IFIH1: variants seen among roughly 807,000 people sequenced by gnomAD.
IFIH1 encodes interferon induced with helicase C domain 1.
A neutral mutation model predicts 107.4 loss-of-function variants in IFIH1; 125 were observed. The ratio of observed to expected loss-of-function variants is 1.16; its 90% CI spans 1.01 to 1.35. IFIH1 has a LOEUF of 1.35. IFIH1 is among the 40% of genes most tolerant of loss of function. IFIH1 has a pLI of 0.00. For missense variants in IFIH1, 1,333 were observed against 1,213.7 expected (o/e 1.10, Z -1.46); for synonymous variants, 458 against 413.2 (o/e 1.11, Z -1.31).
intron 13 of IFIH1, among the ~76,000 whole-genome samples, chr2:162,271,839 T>A (rs1369229176): frequency 6.6e-6 from 1 of 152,158 alleles, no homozygotes; most frequent in African/African-American, 2.4e-5. Context: ...GCTGTTCCTA[T>A]AAGGTTACCT....
At chr2:162,274,465 G>C (rs1691112277) in intron 11 of IFIH1, among the ~76,000 whole-genome samples, 2 of 152,240 alleles carry the variant, frequency 1.3e-5, no homozygotes, top group African/African-American at 4.8e-5. Flanking sequence ...AAGGACACAA[G>C]AGAAACTGAA....
chr2:162,291,986 T>C (rs1279278091), intron 4 of IFIH1, among the ~76,000 whole-genome samples: 2 of 151,990 alleles, frequency 1.3e-5, no homozygotes, highest in Middle Eastern at 3.4e-3. Flanking sequence ...TTTTCAAAAG[T>C]AGATTGCGTT....
chr2:162,301,085 T>G (rs2105221208), intron 3 of IFIH1, among the ~76,000 whole-genome samples: 1 of 152,286 alleles, frequency 6.6e-6, no homozygotes, highest in Non-Finnish European at 1.5e-5. Context: ...ATGCAAAATA[T>G]ATCCACAATA....
chr2:162,275,637 A>G (rs985256952), intron 11 of IFIH1, among the ~76,000 whole-genome samples: 7 of 152,192 alleles, frequency 4.6e-5, no homozygotes, highest in Non-Finnish European at 1.0e-4. Context: ...ACTGAAACAG[A>G]ATTAATTTGC....
At chr2:162,288,398 AT>A (rs1457604295) in intron 4 of IFIH1, 43 bp from the exon 5 acceptor site, 7 of 1,464,278 alleles carry the variant, frequency 4.8e-6, no homozygotes, top group Non-Finnish European at 6.7e-6. Context: ...GGACAACAAA[AT>A]AACAGAGCTT....
chr2:162,306,210 C>T (rs1030467877), intron 3 of IFIH1, among the ~76,000 whole-genome samples: 1 of 152,184 alleles, frequency 6.6e-6, no homozygotes, highest in African/African-American at 2.4e-5. Flanking sequence ...CTTCAGTCCT[C>T]ACCGATTAGT....
intron 4 of IFIH1, among the ~76,000 whole-genome samples, chr2:162,290,538 A>G (rs1203265873): frequency 6.6e-6 from 1 of 151,906 alleles, no homozygotes; most frequent in Non-Finnish European, 1.5e-5. Flanking sequence ...GTAGGCATGT[A>G]CCACAAATTT....
chr2:162,289,548 G>A (rs147135819), intron 4 of IFIH1, among the ~76,000 whole-genome samples: 56 of 151,900 alleles, frequency 3.7e-4, no homozygotes, highest in African/African-American at 1.3e-3. Flanking sequence ...TCTTATCAAT[G>A]TTTGCAATAA....
chr2:162,293,589 A>C lies in IFIH1; in HGVS notation c.849T>G (p.Asp283Glu). The change falls in exon 4 of 16, where the codon GAT becomes GAG. Residue 283 changes from aspartate (D) to glutamate (E), a missense_variant. Asp to Glu is a conservative substitution (Grantham distance 45). Transcript: ENST00000649979. The part of the protein sequence containing the change: ...SLGHNSNMGS[D>E]SGTMGSDSDE... ...CTGAATCACTTCCCATGGTGCCTGA[A>C]TCACTGCCCATGTTGCTGTTATGTC... The C allele has an allele frequency of 6.2e-7, 1 of 1,611,010 alleles. No homozygotes were observed. The highest frequency in any genetic ancestry group is 2.2e-5 in the East Asian group (1 of 44,820).
intron 10 of IFIH1, among the ~76,000 whole-genome samples, chr2:162,277,182 T>A (rs942302857): frequency 1.3e-5 from 2 of 152,182 alleles, no homozygotes; most frequent in East Asian, 3.9e-4. Flanking sequence ...ATTAGGATGG[T>A]TTAATAAATA....
At chr2:162,276,611 AAGAAGAAG>A in intron 11 of IFIH1, 68 bp downstream of exon 11, 9 of 1,491,886 alleles carry the variant, frequency 6.0e-6, no homozygotes, top group South Asian at 1.3e-5. Context: ...TCTGAAAGAA[AAGAAGAAG>A]AGAAGAAGAG....
intron 2 of IFIH1, among the ~76,000 whole-genome samples, chr2:162,307,908 G>C (rs953497086): frequency 1.6e-4 from 25 of 152,120 alleles, no homozygotes; most frequent in Non-Finnish European, 7.4e-5. Context: ...TAGATGGTAA[G>C]TAATATTATT....
intron 2 of IFIH1, chr2:162,310,508 A>G: frequency 2.0e-6 from 1 of 501,930 alleles, no homozygotes; most frequent in Non-Finnish European, 3.5e-6. Context: ...AATTTCTGGT[A>G]GTCATATTGT....
intron 3 of IFIH1, among the ~76,000 whole-genome samples, chr2:162,304,019 AT>A (rs2105224195): frequency 6.6e-6 from 1 of 152,312 alleles, no homozygotes; most frequent in East Asian, 1.9e-4. Context: ...CAGATAGTGA[AT>A]TTTGGCATTC....
In IFIH1 at chr2:162,317,997, G is replaced by A; in HGVS notation, c.311C>T (p.Ser104Phe). The A allele has an allele frequency of 1.2e-6, 2 of 1,614,210 alleles. No homozygotes were observed. Among genetic ancestry groups the A allele is most frequent in the East Asian group, 2.2e-5 (1 of 44,862 alleles). Residue 104 changes from serine to phenylalanine, a missense_variant, in exon 1 of 16, where the codon TCT becomes TTT. Transcript: ENST00000649979. ...ATCATGAGCGTTCTCAAACGATGGA[G>A]AGGGCAAGTCCGTGAGCTCAGGGTT... ...YMNPELTDLPSPSFENAHDEY... is the reference protein window; with the variant it reads ...YMNPELTDLPFPSFENAHDEY...
Position 162,318,167 on chromosome 2 carries a change from C to T in IFIH1, c.141G>A (p.Gln47=). ...FLPAEVKEQI[Q]RTVATSGNMQ... ...TGTTCCCGGAGGTGGCGACTGTCCT[C>T]TGAATCTGCTCCTTCACCTCTGCAG... The change falls in exon 1 of 16, where the codon CAG becomes CAA. Residue 47 remains glutamine (Q), a synonymous_variant. Coordinates refer to ENST00000649979, the MANE Select transcript of IFIH1 (RefSeq NM_022168.4). The T allele has an allele frequency of 6.2e-7, 1 of 1,614,224 alleles. No homozygotes were observed. The highest frequency in any genetic ancestry group is 8.5e-7 in the Non-Finnish European group (1 of 1,180,034).
At chr2:162,287,091 A>C (rs916871276) in intron 5 of IFIH1, among the ~76,000 whole-genome samples, 1 of 151,952 alleles carries the variant, frequency 6.6e-6, no homozygotes, top group African/African-American at 2.4e-5. Flanking sequence ...CAGCAAAATA[A>C]ATAAAAGTGT....
At position 162,317,960 on chromosome 2, in the gene IFIH1, T is replaced by C. The variant is rs1278078053; in HGVS notation, c.348A>G (p.Gln116=). Residue 116 remains glutamine, a synonymous_variant, in exon 1 of 16, where the codon CAA becomes CAG. Transcript: ENST00000649979. ...GAGTGGGCTGAAGGAGGTTCAGCAG[T>C]TGGAGATATTCATCATGAGCGTTCT... ...SFENAHDEYL[Q]LLNLLQPTLV... is the part of the protein sequence containing the mutation. 6.2e-7 allele frequency: 1 copy of C among 1,614,126 alleles called. No homozygotes were observed. Among genetic ancestry groups the C allele is most frequent in the South Asian group, 1.1e-5 (1 of 91,078 alleles).
intron 8 of IFIH1, among the ~76,000 whole-genome samples, chr2:162,279,031 T>C (rs1682760902): frequency 6.6e-6 from 1 of 152,006 alleles, no homozygotes; most frequent in Non-Finnish European, 1.5e-5. Flanking sequence ...TCAAGGTATA[T>C]AAAAAAATTA....
Sources: gnomAD v4.1 joint callset for allele counts (sites outside exome capture counted in the v4.1 genomes callset) on GRCh38, gnomAD v4.1.1 for gene constraint, MANE v1.5 for transcripts, NCBI Gene and HGNC (gene_info 2026-07-23, HGNC 2026-07-21) for gene names.